ATRNL1: variants seen among roughly 807,000 people sequenced by gnomAD.
ATRNL1 encodes the protein attractin-like protein 1.
In ATRNL1, 95 loss-of-function variants were observed where a neutral mutation model predicts 182.7. The ratio of observed to expected loss-of-function variants is 0.52; its 90% confidence interval spans 0.44 to 0.62. The LOEUF (loss-of-function observed/expected upper bound fraction) is 0.62. Ranked by LOEUF, ATRNL1 falls within the 20% of genes least tolerant of loss-of-function variation. The probability of loss-of-function intolerance (pLI) is 0.00; values close to 1 mark genes in which losing one functional copy is unlikely to be tolerated. For missense variants in ATRNL1, 1,471 were observed against 1,679.5 expected (o/e 0.88, Z 2.17); for synonymous variants, 576 against 568.3 (o/e 1.01, Z -0.19).
At chr10:115,356,322 T>A (rs377625299) in intron 19 of ATRNL1, among the ~76,000 whole-genome samples, 19 of 152,138 alleles carry the variant, frequency 1.2e-4, no homozygotes, top group Middle Eastern at 6.8e-3. Flanking sequence ...GATGGAAATA[T>A]TGGTTCTATT....
chr10:115,460,746 C>T (rs1314882433), intron 21 of ATRNL1, among the ~76,000 whole-genome samples: 1 of 152,180 alleles, frequency 6.6e-6, no homozygotes, highest in Non-Finnish European at 1.5e-5. Context: ...TCCTACCTAA[C>T]AGTATCTCCC....
chr10:115,216,400 A>G (rs1428601735), intron 9 of ATRNL1, among the ~76,000 whole-genome samples: 6 of 152,120 alleles, frequency 3.9e-5, no homozygotes, highest in African/African-American at 1.4e-4. Context: ...CTGATCCTTC[A>G]TGTTCTCACC....
chr10:115,824,023 A>G (rs1950366597), intron 27 of ATRNL1, among the ~76,000 whole-genome samples: 1 of 152,322 alleles, frequency 6.6e-6, no homozygotes, highest in Admixed American at 6.5e-5. Flanking sequence ...CCTGACTTCA[A>G]ACTATACTAC....
intron 21 of ATRNL1, among the ~76,000 whole-genome samples, chr10:115,448,320 A>G (rs1484942934): frequency 1.3e-5 from 2 of 152,202 alleles, no homozygotes; most frequent in East Asian, 3.8e-4. Flanking sequence ...AGCAAATGCA[A>G]AAGAACTGAA....
At chr10:115,693,216 T>C (rs1946448051) in intron 26 of ATRNL1, among the ~76,000 whole-genome samples, 1 of 152,182 alleles carries the variant, frequency 6.6e-6, no homozygotes, top group African/African-American at 2.4e-5. Flanking sequence ...GTAACCACTT[T>C]TTTAAAAATG....
intron 24 of ATRNL1, among the ~76,000 whole-genome samples, chr10:115,496,274 T>G (rs116145783): frequency 0.023 from 3,437 of 152,262 alleles, 114 homozygotes; most frequent in African/African-American, 0.076. Context: ...TGCAGTTTCT[T>G]TATAGTTTCA....
At chr10:115,752,551 G>T (rs1264186071) in intron 27 of ATRNL1, among the ~76,000 whole-genome samples, 1 of 152,020 alleles carries the variant, frequency 6.6e-6, no homozygotes, top group Non-Finnish European at 1.5e-5. Flanking sequence ...GTGTAGTGGA[G>T]ATCAGTGTTG....
chr10:115,252,505 G>C (rs1850927068), intron 10 of ATRNL1, among the ~76,000 whole-genome samples: 1 of 152,216 alleles, frequency 6.6e-6, no homozygotes, highest in African/African-American at 2.4e-5. Context: ...TCTACATTGT[G>C]TTTAAGCAAA....
chr10:115,549,790 C>A (rs947760999), intron 26 of ATRNL1, among the ~76,000 whole-genome samples: 1 of 151,806 alleles, frequency 6.6e-6, no homozygotes, highest in Non-Finnish European at 1.5e-5. Flanking sequence ...ATAGTGAATA[C>A]AATTATTATG....
intron 8 of ATRNL1, among the ~76,000 whole-genome samples, chr10:115,193,048 A>G (rs1848228188): frequency 6.6e-6 from 1 of 151,946 alleles, no homozygotes; most frequent in Non-Finnish European, 1.5e-5. Context: ...TCTATTTAGG[A>G]TGTCCTTTAT....
At chr10:115,455,231 G>A (rs1410668832) in intron 21 of ATRNL1, among the ~76,000 whole-genome samples, 1 of 152,046 alleles carries the variant, frequency 6.6e-6, no homozygotes, top group Admixed American at 6.6e-5. Flanking sequence ...GTATCTCAGA[G>A]ATAAAGCCTA....
chr10:115,165,604 G>C lies in ATRNL1; in HGVS notation c.1051G>C (p.Gly351Arg), dbSNP rs782224122. 6.5e-7 allele frequency: 1 copy of C among 1,544,200 alleles called. No individual in the cohort carries two copies. Among genetic ancestry groups the C allele is most frequent in the Admixed American group, 1.7e-5 (1 of 57,960 alleles). The change falls in exon 7 of 29, where the codon GGA becomes CGA. Residue 351 changes from glycine to arginine, a missense_variant. Around this residue, in one of 3 missense-constraint regions of ATRNL1, gnomAD observed 1,031 missense variants for 1,156.0 expected, o/e 0.89. Transcript: ENST00000355044. Reference protein sequence around the residue: ...SIWNVGTPSRGPLQRYGHSLA... With the variant: ...SIWNVGTPSRRPLQRYGHSLA... ...ATGGAATGTAGGAACTCCATCAAGG[G>C]GACCTCTCCAGAGATATGGACACTC... is the stretch of plus-strand genomic sequence containing the variant.
intron 28 of ATRNL1, among the ~76,000 whole-genome samples, chr10:115,932,580 A>G (rs1191477397): frequency 1.3e-5 from 2 of 152,134 alleles, no homozygotes; most frequent in Non-Finnish European, 2.9e-5. Context: ...AATTTTTTCT[A>G]GTGTTTTTCT....
chr10:115,772,385 G>A (rs1212571644), intron 27 of ATRNL1, among the ~76,000 whole-genome samples: 1 of 151,958 alleles, frequency 6.6e-6, no homozygotes, highest in Non-Finnish European at 1.5e-5. Flanking sequence ...ACTTTATTAG[G>A]TATCAACTCA....
intron 20 of ATRNL1, among the ~76,000 whole-genome samples, chr10:115,420,875 G>GGGA: frequency 6.6e-6 from 1 of 152,048 alleles, no homozygotes; most frequent in Non-Finnish European, 1.5e-5. Context: ...CATCGCAACT[G>GGGA]ATACCACAGC....
chr10:115,146,947 A>T (rs1448238400), intron 5 of ATRNL1, among the ~76,000 whole-genome samples: 1 of 152,022 alleles, frequency 6.6e-6, no homozygotes, highest in Non-Finnish European at 1.5e-5. Context: ...AGGTGCAGGT[A>T]TCTCTCTGTT....
intron 27 of ATRNL1, among the ~76,000 whole-genome samples, chr10:115,805,080 G>T (rs1416053719): frequency 6.6e-6 from 1 of 152,014 alleles, no homozygotes; most frequent in African/African-American, 2.4e-5. Context: ...TTTTTCAAGG[G>T]GTACAATTCT....
chr10:115,771,953 A>C (rs1379761989), intron 27 of ATRNL1, among the ~76,000 whole-genome samples: 2 of 152,184 alleles, frequency 1.3e-5, no homozygotes, highest in South Asian at 4.1e-4. Flanking sequence ...GTCTTGGATA[A>C]CCACTGTTTA....
intron 1 of ATRNL1, among the ~76,000 whole-genome samples, chr10:115,119,891 C>A (rs1592126330): frequency 6.6e-6 from 1 of 152,182 alleles, no homozygotes; most frequent in Middle Eastern, 3.4e-3. Flanking sequence ...CTCTATTTTG[C>A]ATCAACATTG....
Sources: gnomAD v4.1 joint callset for allele counts (sites outside exome capture counted in the v4.1 genomes callset) on GRCh38, gnomAD v4.1.1 for gene constraint, gnomAD v4.1.1 regional missense constraint, MANE v1.5 for transcripts, NCBI Gene and HGNC (gene_info 2026-07-23, HGNC 2026-07-21) for gene names.